Variants in MAP2K2 observed in about 807,000 individuals in gnomAD.
MAP2K2 encodes the protein dual specificity mitogen-activated protein kinase kinase 2.
Under a neutral mutation model 43.7 loss-of-function variants are expected in MAP2K2, and 24 were observed. The ratio of observed to expected loss-of-function variants is 0.55; its 90% confidence interval spans 0.40 to 0.77. The LOEUF is 0.77. MAP2K2 is among the 30% of genes least tolerant of loss of function. The probability of loss-of-function intolerance (pLI) is 0.00; values close to 1 mark genes in which losing one functional copy is unlikely to be tolerated. For synonymous variants in MAP2K2, 244 were observed against 239.7 expected (o/e 1.02, Z -0.17); for missense variants, 470 against 566.8 (o/e 0.83, Z 1.73).
At chr19:4,097,205 T>TAAAAAAAAA (rs10681431) in intron 8 of MAP2K2, 74 bp downstream of exon 8, 40 of 572,794 alleles carry the variant, frequency 7.0e-5, no homozygotes, top group Middle Eastern at 8.8e-4. Flanking sequence ...AGACTCTGCC[T>TAAAAAAAAA]AAAAAAAAAA....
chr19:4,101,189 C>A lies in MAP2K2; in HGVS notation c.580+40G>T, dbSNP rs199635330. 14 of 1,595,598 alleles carry A rather than the reference C, an allele frequency of 8.8e-6. No individual in the cohort carries two copies. In the Admixed American group the frequency reaches 2.4e-4, roughly 28 times the overall value. ...GTGAGGGGCGCCCAACAGTTGCCTG[C>A]CGGCCCCCGGGGCTCTGGGGAGGGC... On this transcript the variant is annotated intron_variant, in intron 5 of 10. Coordinates refer to ENST00000262948, the MANE Select transcript of MAP2K2 (RefSeq NM_030662.4). This position sits in a 1 kb window ranked among gnomAD's most constrained non-coding sequence, Gnocchi z 6.3.
intron 1 of MAP2K2, among the ~76,000 whole-genome samples, chr19:4,120,534 C>T (rs1162412582): frequency 6.6e-6 from 1 of 152,142 alleles, no homozygotes; most frequent in Non-Finnish European, 1.5e-5. Flanking sequence ...CCAGGTTGGT[C>T]TTGAACTCTG....
At chr19:4,113,981 C>G (rs1315177913) in intron 2 of MAP2K2, among the ~76,000 whole-genome samples, 1 of 152,182 alleles carries the variant, frequency 6.6e-6, no homozygotes, top group Non-Finnish European at 1.5e-5. Context: ...TCCAAACATC[C>G]TGAATTAGGT....
intron 4 of MAP2K2, 140 bp downstream of exon 4, chr19:4,102,236 G>A (rs1476135448): frequency 1.5e-5 from 11 of 741,190 alleles, no homozygotes; most frequent in Admixed American, 8.1e-5. Flanking sequence ...CAGCAGGTGG[G>A]CACAGCCTTG....
intron 3 of MAP2K2, among the ~76,000 whole-genome samples, chr19:4,105,543 A>G (rs1380031680): frequency 1.3e-5 from 2 of 152,140 alleles, no homozygotes; most frequent in Non-Finnish European, 2.9e-5. Context: ...AAGTGCTGGG[A>G]TTACAGGCTT....
At chr19:4,094,670 G>C (rs1397274932) in intron 9 of MAP2K2, 172 bp from the exon 10 acceptor site, 3 of 656,170 alleles carry the variant, frequency 4.6e-6, no homozygotes, top group Non-Finnish European at 2.7e-6. Context: ...GGCAGAGGAC[G>C]AGGGATCCAC....
chr19:4,100,645 G>A (rs2040992827), intron 6 of MAP2K2: 3 of 280,518 alleles, frequency 1.1e-5, no homozygotes, highest in Admixed American at 9.7e-5. Flanking sequence ...GCGAGACCCC[G>A]TGTCTACAAA....
At chr19:4,111,907 C>T (rs576118633) in intron 2 of MAP2K2, among the ~76,000 whole-genome samples, 77 of 152,196 alleles carry the variant, frequency 5.1e-4, no homozygotes, top group African/African-American at 1.8e-3. Context: ...GAGCCGAGAT[C>T]GCACCATTGC....
intron 3 of MAP2K2, among the ~76,000 whole-genome samples, chr19:4,108,037 G>T (rs2041108241): frequency 6.6e-6 from 1 of 152,192 alleles, no homozygotes; most frequent in Admixed American, 6.5e-5. Flanking sequence ...GCCTGGGAGG[G>T]AATGAATCAG....
chr19:4,104,220 G>A (rs1261268316), intron 3 of MAP2K2, among the ~76,000 whole-genome samples: 36 of 141,346 alleles, frequency 2.5e-4, no homozygotes, highest in Middle Eastern at 4.0e-3. Context: ...AGTCGAGATC[G>A]TGCCACTTCT....
At position 4,101,419 on chromosome 19, in the gene MAP2K2, G is replaced by T; in HGVS notation, c.529-139C>A. On this transcript the variant is annotated intron_variant, in intron 4 of 10. Coordinates refer to ENST00000262948, the MANE Select transcript of MAP2K2 (RefSeq NM_030662.4). This position sits in a 1 kb window ranked among gnomAD's most constrained non-coding sequence, Gnocchi z 6.3. ...AACCATTTCAGGCTGTGAGGAGCTC[G>T]CTGGGGTGGAGCAAGCGAGGCCAGA... 1 of 941,006 alleles carries T rather than the reference G, an allele frequency of 1.1e-6. No homozygotes were observed. The highest frequency in any genetic ancestry group is 1.7e-6 in the Non-Finnish European group (1 of 594,204). The allele number at this position is 941,006 out of a possible 1,614,324, so 58.3% of individuals were successfully genotyped here. A position where few individuals can be genotyped will look rare whatever the true frequency, so the allele number is the denominator to read the frequency against.
At chr19:4,109,316 G>C (rs1198598247) in intron 3 of MAP2K2, among the ~76,000 whole-genome samples, 1 of 152,188 alleles carries the variant, frequency 6.6e-6, no homozygotes, top group Admixed American at 6.5e-5. Context: ...AGTCAATGAA[G>C]GGGGTGCCTG....
At position 4,102,134 on chromosome 19, in the gene MAP2K2, A is replaced by C. The variant is rs12610112; in HGVS notation, c.528+242T>G. ...CAGAGGGGACCAGTGTGGCAAACAGAGGATACTAAGAGTGAAGAGGGACCT... is the reference window on the plus strand; with the variant it reads ...CAGAGGGGACCAGTGTGGCAAACAGCGGATACTAAGAGTGAAGAGGGACCT... On this transcript the variant is annotated intron_variant, in intron 4 of 10. Coordinates refer to ENST00000262948, the MANE Select transcript of MAP2K2 (RefSeq NM_030662.4). Among the ~76,000 whole-genome samples the C allele has an allele frequency of 0.36, 55,387 of 152,018 alleles. 10,579 individuals are homozygous for C. Among genetic ancestry groups the C allele is most frequent in the African/African-American group, 0.44 (18,159 of 41,468 alleles).
At chr19:4,121,192 C>T (rs1028054590) in intron 1 of MAP2K2, among the ~76,000 whole-genome samples, 10 of 151,946 alleles carry the variant, frequency 6.6e-5, no homozygotes, top group East Asian at 3.9e-4. Flanking sequence ...GCACGCCACC[C>T]GGACCCCAGC....
intron 3 of MAP2K2, among the ~76,000 whole-genome samples, chr19:4,107,606 T>C (rs527776437): frequency 2.0e-5 from 3 of 149,724 alleles, no homozygotes; most frequent in African/African-American, 7.4e-5. Context: ...ACCTGGAAGG[T>C]TGAGGCAGGA....
At position 4,115,695 on chromosome 19, in the gene MAP2K2, G is replaced by A. The variant is rs1426231701; in HGVS notation, c.303+1724C>T. ...GCAGAGCTAAATCCCCGCAGGAGTT[G>A]AGCCGCTGCTCCCGAGGAAGGCAGG... is the stretch of plus-strand genomic sequence containing the variant. On this transcript the variant is annotated intron_variant, in intron 2 of 10. Transcript: ENST00000262948. This position sits in a 1 kb window ranked among gnomAD's most constrained non-coding sequence, Gnocchi z 4.1. 6.6e-6 allele frequency among the ~76,000 whole-genome samples: 1 copy of A among 152,192 alleles called. No homozygotes were observed. Among genetic ancestry groups the A allele is most frequent in the Non-Finnish European group, 1.5e-5 (1 of 68,032 alleles).
chr19:4,096,696 G>A (rs1369889730), intron 8 of MAP2K2, among the ~76,000 whole-genome samples: 3 of 152,174 alleles, frequency 2.0e-5, no homozygotes, highest in Non-Finnish European at 2.9e-5. Flanking sequence ...TGGAAGCGGG[G>A]TGATTTATGA....
intron 1 of MAP2K2, 25 bp from the exon 2 acceptor site, chr19:4,117,654 G>T (rs753005923): frequency 1.2e-6 from 2 of 1,606,242 alleles, no homozygotes; most frequent in Admixed American, 1.7e-5. Flanking sequence ...CAGGGTAGGG[G>T]TTAGCTACCT....
In MAP2K2 at chr19:4,108,650, C is replaced by T. The variant is rs61247102; in HGVS notation, c.450+1859G>A. ...GGTCTGTGTGGTGTCCCCTGGGGTG[C>T]CAGCACCCACTCTGGGAACCCCCAT... On this transcript the variant is annotated intron_variant, in intron 3 of 10. Coordinates refer to ENST00000262948, the MANE Select transcript of MAP2K2 (RefSeq NM_030662.4). Among the ~76,000 whole-genome samples, 223 of 152,198 alleles carry T rather than the reference C, an allele frequency of 1.5e-3. 1 individual carries two copies. The highest frequency in any genetic ancestry group is 5.2e-3 in the African/African-American group (216 of 41,530).
Sources: allele counts gnomAD v4.1 joint callset (sites outside exome capture counted in the v4.1 genomes callset), GRCh38; gene constraint gnomAD v4.1.1; non-coding constraint Gnocchi (gnomAD v3.1); transcripts MANE v1.5; gene names NCBI Gene and HGNC (gene_info 2026-07-23, HGNC 2026-07-21).